Variants in GTF2IRD1 observed in about 807,000 individuals in gnomAD.
The protein encoded by GTF2IRD1 is GTF2I repeat domain containing 1.
A neutral mutation model predicts 113.2 loss-of-function variants in GTF2IRD1; 26 were observed. The observed-to-expected ratio is 0.23, with a 90% CI of 0.17 to 0.32. The LOEUF (loss-of-function observed/expected upper bound fraction) is 0.32, where lower values mean the gene tolerates loss of function less well. Ranked by LOEUF, GTF2IRD1 falls within the 10% of genes least tolerant of loss-of-function variation. GTF2IRD1 has a pLI of 1.00. For synonymous variants in GTF2IRD1, 484 were observed against 529.1 expected, an observed-to-expected ratio of 0.91 and a Z score of 1.17; for missense variants, 864 against 1,280.8, an observed-to-expected ratio of 0.67 and a Z score of 4.97.
At chr7:74,527,865 A>G (rs1353473809) in intron 8 of GTF2IRD1, among the ~76,000 whole-genome samples, 14 of 152,214 alleles carry the variant, frequency 9.2e-5, no homozygotes, top group Admixed American at 9.2e-4. Context: ...TATTTGATGA[A>G]TGAATTAATG....
intron 4 of GTF2IRD1, 54 bp from the exon 5 acceptor site, chr7:74,518,085 C>T: frequency 7.5e-7 from 1 of 1,324,892 alleles, no homozygotes; most frequent in Non-Finnish European, 1.0e-6. Context: ...CAGCCCCGAC[C>T]CCAGCCTGGC....
intron 25 of GTF2IRD1, among the ~76,000 whole-genome samples, chr7:74,598,235 A>G (rs1245593371): frequency 6.6e-6 from 1 of 150,684 alleles, no homozygotes; most frequent in Admixed American, 6.6e-5. Flanking sequence ...AAAAAAAAAG[A>G]GCCAGTTAAA....
At chr7:74,572,163 C>G (rs969998800) in intron 22 of GTF2IRD1, among the ~76,000 whole-genome samples, 4 of 152,156 alleles carry the variant, frequency 2.6e-5, no homozygotes, top group Non-Finnish European at 5.9e-5. Context: ...TGACCTGAGC[C>G]AGGCCTGGAT....
chr7:74,470,741 G>A (rs1293190524), intron 1 of GTF2IRD1, among the ~76,000 whole-genome samples: 3 of 152,084 alleles, frequency 2.0e-5, no homozygotes, highest in Non-Finnish European at 2.9e-5. Context: ...GAAACCTCAC[G>A]AGCATTGTGC....
intron 17 of GTF2IRD1, among the ~76,000 whole-genome samples, chr7:74,553,071 T>C (rs2010309): frequency 0.3 from 45,177 of 152,064 alleles, 8,807 homozygotes; most frequent in African/African-American, 0.56. Context: ...CTCCTAACCT[T>C]AAGTGATCCA....
intron 13 of GTF2IRD1, among the ~76,000 whole-genome samples, chr7:74,539,325 G>A (rs1554351106): frequency 6.6e-6 from 1 of 152,140 alleles, no homozygotes. Flanking sequence ...GTGTGTGCCT[G>A]TCGGTGTAGC....
At chr7:74,558,806 AC>A in intron 20 of GTF2IRD1, 54 bp from the exon 21 acceptor site, 1 of 1,440,110 alleles carries the variant, frequency 6.9e-7, no homozygotes, top group Non-Finnish European at 9.5e-7. Flanking sequence ...CCATGTACAC[AC>A]ACCCCACGCT....
intron 10 of GTF2IRD1, 77 bp from the exon 11 acceptor site, chr7:74,536,090 C>T (rs782001074): frequency 2.2e-6 from 2 of 928,582 alleles, no homozygotes; most frequent in Non-Finnish European, 3.5e-6. Flanking sequence ...GCTTCACACA[C>T]AGACCTTTAC....
chr7:74,589,185 T>C (rs1801904605), intron 22 of GTF2IRD1, among the ~76,000 whole-genome samples: 2 of 151,978 alleles, frequency 1.3e-5, no homozygotes, highest in South Asian at 4.1e-4. Flanking sequence ...ATAGCGAGAC[T>C]CCATCTGTAC....
chr7:74,495,617 T>C (rs559878107), intron 1 of GTF2IRD1, among the ~76,000 whole-genome samples: 4 of 152,012 alleles, frequency 2.6e-5, no homozygotes, highest in Non-Finnish European at 5.9e-5. Context: ...GCATGGGGGC[T>C]CTGACACCTC....
chr7:74,570,623 T>C (rs1480843300), intron 22 of GTF2IRD1, among the ~76,000 whole-genome samples: 5 of 152,144 alleles, frequency 3.3e-5, no homozygotes, highest in African/African-American at 1.2e-4. Context: ...CACTGCACTC[T>C]AGCCTGCGAG....
intron 1 of GTF2IRD1, among the ~76,000 whole-genome samples, chr7:74,491,547 C>T (rs371803366): frequency 2.0e-5 from 3 of 152,000 alleles, no homozygotes; most frequent in South Asian, 2.1e-4. Flanking sequence ...TCTCATTGTT[C>T]AGCTCCCACT....
chr7:74,552,692 G>T (rs183185375), intron 17 of GTF2IRD1, among the ~76,000 whole-genome samples: 1 of 152,244 alleles, frequency 6.6e-6, no homozygotes, highest in East Asian at 1.9e-4. Context: ...TAAACTAGGG[G>T]CACCCGGGCA....
At chr7:74,493,643 G>A (rs6953789) in intron 1 of GTF2IRD1, among the ~76,000 whole-genome samples, 24,974 of 152,096 alleles carry the variant, frequency 0.16, 2,202 homozygotes, top group Middle Eastern at 0.23. Context: ...AGGTTCTCCT[G>A]TGATAGATGC....
At chr7:74,471,864 T>C (rs895354001) in intron 1 of GTF2IRD1, among the ~76,000 whole-genome samples, 7 of 150,440 alleles carry the variant, frequency 4.7e-5, no homozygotes, top group Non-Finnish European at 8.9e-5. Context: ...TGGTGGTGGG[T>C]GCCTGTAATC....
At chr7:74,601,738 C>T (rs1279751545) in intron 26 of GTF2IRD1, 8 of 204,804 alleles carry the variant, frequency 3.9e-5, no homozygotes, top group Admixed American at 1.6e-4. Context: ...GCCGAGGTCG[C>T]GCCATTGCAC....
At chr7:74,585,115 T>G (rs1451963636) in intron 22 of GTF2IRD1, among the ~76,000 whole-genome samples, 1 of 148,374 alleles carries the variant, frequency 6.7e-6, no homozygotes. Context: ...TTGGTGTTTT[T>G]TTTTTTTTTT....
chr7:74,538,232 T>C, intron 12 of GTF2IRD1, 59 bp downstream of exon 12: 1 of 1,540,258 alleles, frequency 6.5e-7, no homozygotes, highest in Non-Finnish European at 9.0e-7. Context: ...CCACCAGCCC[T>C]ACCCGGCAGC....
At chr7:74,489,980 G>A (rs1554336363) in intron 1 of GTF2IRD1, among the ~76,000 whole-genome samples, 1 of 151,888 alleles carries the variant, frequency 6.6e-6, no homozygotes, top group East Asian at 1.9e-4. Flanking sequence ...TTTTTTGTGT[G>A]TGTGTGTGAC....
Sources: gnomAD v4.1 joint callset for allele counts (sites outside exome capture counted in the v4.1 genomes callset) on GRCh38, gnomAD v4.1.1 for gene constraint, MANE v1.5 for transcripts, NCBI Gene and HGNC (gene_info 2026-07-23, HGNC 2026-07-21) for gene names.